The following ZC3H12B variants were observed in gnomAD, a reference collection of about 807,000 sequenced individuals.
The protein encoded by ZC3H12B is zinc finger CCCH-type containing 12B.
In ZC3H12B, 7 loss-of-function variants were observed where a neutral mutation model predicts 43.9. The observed-to-expected ratio is 0.16, with a 90% CI of 0.09 to 0.30. ZC3H12B has a LOEUF of 0.30. Ranked by LOEUF, ZC3H12B falls within the 10% of genes least tolerant of loss-of-function variation. The pLI, the probability that ZC3H12B is intolerant of heterozygous loss-of-function variation, is 1.00. For synonymous variants in ZC3H12B, 222 were observed against 241.7 expected (o/e 0.92, Z 0.76); for missense variants, 475 against 670.2 (o/e 0.71, Z 3.22).
chrX:65,348,196 G>A, the ZC3H12B span, among the ~76,000 whole-genome samples: 1 of 112,099 alleles, frequency 8.9e-6, no homozygotes, highest in East Asian at 2.8e-4. Context: ...AAGCCTGCAC[G>A]TTGTGCACTT....
the ZC3H12B span, among the ~76,000 whole-genome samples, chrX:65,145,907 C>A: frequency 9.0e-6 from 1 of 111,053 alleles, no homozygotes; most frequent in Admixed American, 9.6e-5. Flanking sequence ...TGTCCCATAG[C>A]TCTTAGGATT....
the ZC3H12B span, among the ~76,000 whole-genome samples, chrX:65,106,697 A>G: frequency 9.0e-6 from 1 of 111,325 alleles, no homozygotes; most frequent in Non-Finnish European, 1.9e-5. Flanking sequence ...GATAACAAGG[A>G]AAAAACACAT....
chrX:65,302,901 A>G, the ZC3H12B span, among the ~76,000 whole-genome samples: 1 of 112,289 alleles, frequency 8.9e-6, no homozygotes, highest in South Asian at 3.6e-4. Flanking sequence ...AGGTAATACA[A>G]TGATTCAAAT....
At chrX:65,150,496 A>G in the ZC3H12B span, among the ~76,000 whole-genome samples, 1 of 107,402 alleles carries the variant, frequency 9.3e-6, no homozygotes, top group Non-Finnish European at 1.9e-5. Flanking sequence ...CCTGCCCCCG[A>G]CCCCCCAACA....
At chrX:65,143,336 A>C in the ZC3H12B span, among the ~76,000 whole-genome samples, 6 of 111,256 alleles carry the variant, frequency 5.4e-5, no homozygotes, top group Non-Finnish European at 1.1e-4. Context: ...GATTTGTCAT[A>C]GATGGCTTTT....
chrX:65,128,335 ATTG>A, the ZC3H12B span, among the ~76,000 whole-genome samples: 1 of 112,111 alleles, frequency 8.9e-6, no homozygotes, highest in Admixed American at 9.5e-5. Context: ...GAATATGAAG[ATTG>A]TTGTTTAACG....
chrX:65,374,217 A>G (rs2066312595), intron 2 of ZC3H12B, among the ~76,000 whole-genome samples: 1 of 84,961 alleles, frequency 1.2e-5, no homozygotes, highest in Non-Finnish European at 2.2e-5. Flanking sequence ...ATAGTTATAT[A>G]TGTACTCTAT....
the ZC3H12B span, among the ~76,000 whole-genome samples, chrX:65,115,844 G>A: frequency 9.0e-6 from 1 of 111,594 alleles, no homozygotes; most frequent in Middle Eastern, 4.6e-3. Context: ...TTGGCCATTT[G>A]TATGTCTTCT....
the ZC3H12B span, among the ~76,000 whole-genome samples, chrX:65,339,809 C>G: frequency 8.9e-6 from 1 of 111,870 alleles, no homozygotes; most frequent in Non-Finnish European, 1.9e-5. Context: ...CCCATGATCA[C>G]ACACAAGCCC....
Position 65,391,569 on chromosome X carries a change from G to C in ZC3H12B, n.296-7024G>C, listed in dbSNP as rs147958429. On this transcript the variant is annotated intron_variant and non_coding_transcript_variant, in intron 2 of 5. Coordinates refer to the ZC3H12B transcript ENST00000617377. ...GGGGGATATGGGGCCCAACAGGATG[G>C]AGGGCAATTGTTTGCTGGTCCCTTG... 5.8e-3 allele frequency among the ~76,000 whole-genome samples: 650 copies of C among 111,651 alleles called. 2 individuals carry two copies. The highest frequency in any genetic ancestry group is 0.02 in the African/African-American group (614 of 30,726).
At chrX:65,067,370 G>A in the ZC3H12B span, among the ~76,000 whole-genome samples, 7 of 111,529 alleles carry the variant, frequency 6.3e-5, no homozygotes, top group African/African-American at 2.3e-4. Flanking sequence ...GCACAGTCTC[G>A]CACAGCTTCC....
At chrX:65,400,076 CA>C (rs1370987982) in intron 3 of ZC3H12B, among the ~76,000 whole-genome samples, 1 of 109,744 alleles carries the variant, frequency 9.1e-6, no homozygotes, top group Non-Finnish European at 1.9e-5. Context: ...TTAGCGGGTA[CA>C]AAAAAATAGA....
the ZC3H12B span, among the ~76,000 whole-genome samples, chrX:65,315,339 T>C: frequency 8.9e-6 from 1 of 111,810 alleles, no homozygotes; most frequent in Non-Finnish European, 1.9e-5. Flanking sequence ...CACAGAAGAA[T>C]GGGAGAAGAA....
chrX:65,503,444 G>T lies in ZC3H12B; in HGVS notation c.*235G>T, dbSNP rs186910354. On this transcript the variant is annotated 3_prime_UTR_variant, in exon 5 of 5. Coordinates refer to ENST00000338957, the Ensembl canonical transcript of ZC3H12B. ...AGCCAGGGTCACACTGCTAGCAAAT[G>T]ACTAAGTCAAGACACACACCCAAGT... 521 of 319,134 alleles carry T rather than the reference G, an allele frequency of 1.6e-3. 5 individuals carry two copies. The highest frequency in any genetic ancestry group is 0.013 in the African/African-American group (469 of 37,101). 26.3% of individuals were successfully genotyped at this position (319,134 alleles called of 1,213,427 possible). A position where few individuals can be genotyped will look rare whatever the true frequency, so the allele number is the denominator to read the frequency against.
At chrX:65,282,063 T>TA in the ZC3H12B span, among the ~76,000 whole-genome samples, 2 of 111,602 alleles carry the variant, frequency 1.8e-5, no homozygotes, top group African/African-American at 3.2e-5. Context: ...TCTTTTATGA[T>TA]AAAAAAAGAA....
the ZC3H12B span, among the ~76,000 whole-genome samples, chrX:65,170,626 T>A: frequency 1.8e-5 from 2 of 111,781 alleles, no homozygotes; most frequent in African/African-American, 6.5e-5. Flanking sequence ...TCCTGAAGAG[T>A]GTTTTCCATC....
At chrX:65,276,664 T>C in the ZC3H12B span, among the ~76,000 whole-genome samples, 19 of 111,948 alleles carry the variant, frequency 1.7e-4, no homozygotes, top group African/African-American at 6.2e-4. Flanking sequence ...AGGAAAGTCA[T>C]CACTACTAGA....
the ZC3H12B span, among the ~76,000 whole-genome samples, chrX:65,056,523 T>G: frequency 5.4e-5 from 6 of 111,850 alleles, no homozygotes; most frequent in Non-Finnish European, 1.1e-4. Context: ...TGTGGTCAAT[T>G]TTGGAATAAG....
intron 3 of ZC3H12B, among the ~76,000 whole-genome samples, chrX:65,483,338 TTATGA>T (rs1470227140): frequency 2.7e-5 from 3 of 112,068 alleles, no homozygotes; most frequent in African/African-American, 9.7e-5. Context: ...TTTACCTCCT[TTATGA>T]TATAATTCCT....
Sources: gnomAD v4.1 joint callset for allele counts (sites outside exome capture counted in the v4.1 genomes callset) on GRCh38, gnomAD v4.1.1 for gene constraint, MANE v1.5 for transcripts, NCBI Gene and HGNC (gene_info 2026-07-23, HGNC 2026-07-21) for gene names.